Variants in DSCC1 observed in about 807,000 individuals in gnomAD.
DSCC1 encodes DNA replication and sister chromatid cohesion 1.
Under a neutral mutation model 48.2 loss-of-function variants are expected in DSCC1, and 32 were observed. The observed-to-expected ratio is 0.66, with a 90% CI of 0.50 to 0.89. The LOEUF (loss-of-function observed/expected upper bound fraction) is 0.89, where lower values mean the gene tolerates loss of function less well. DSCC1 is among the 40% of genes least tolerant of loss of function. DSCC1 has a pLI of 0.00. For missense variants in DSCC1, 421 were observed against 471.7 expected (o/e 0.89, Z 1.00); for synonymous variants, 150 against 171.5 (o/e 0.87, Z 0.98).
intron 8 of DSCC1, 105 bp downstream of exon 8, chr8:119,838,154 C>T (rs1826713174): frequency 2.3e-6 from 3 of 1,280,328 alleles, no homozygotes; most frequent in Non-Finnish European, 3.1e-6. Context: ...GCAGTATCCT[C>T]AGGGAATACT....
chr8:119,840,314 A>C (rs1372148750), intron 7 of DSCC1: 1 of 152,244 alleles, frequency 6.6e-6, no homozygotes, highest in Non-Finnish European at 1.5e-5. Context: ...GTGCTATCAA[A>C]GAGTAAAACC....
chr8:119,850,173 C>T (rs1180139933), intron 3 of DSCC1, among the ~76,000 whole-genome samples: 1 of 152,104 alleles, frequency 6.6e-6, no homozygotes, highest in Non-Finnish European at 1.5e-5. Flanking sequence ...AGAAGACTGA[C>T]AAGACATTAA....
chr8:119,841,860 A>G lies in DSCC1; in HGVS notation c.858T>C (p.Ala286=), dbSNP rs779466210. The G allele has an allele frequency of 1.4e-5, 22 of 1,614,038 alleles. No homozygotes were observed. In the African/African-American group the frequency reaches 2.3e-4, roughly 17 times the overall value. ...TCTGCTGCCACACTTCTTGAAACTC[A>G]GCGAGATTGAATTTCACCGCATTCT... ...LLQNAVKFNL[A]EFQEVWQQSV... The change falls in exon 7 of 9, where the codon GCT becomes GCC. Residue 286 remains alanine, a synonymous_variant. Coordinates refer to ENST00000313655, the MANE Select transcript of DSCC1 (RefSeq NM_024094.3).
At chr8:119,838,646 G>T in intron 7 of DSCC1, 1 of 340,212 alleles carries the variant, frequency 2.9e-6, no homozygotes, top group Non-Finnish European at 5.2e-6. Context: ...AGACAGCTTT[G>T]GTTCTAAAGG....
intron 6 of DSCC1, among the ~76,000 whole-genome samples, chr8:119,842,415 T>A (rs1471115391): frequency 1.4e-5 from 2 of 144,786 alleles, no homozygotes; most frequent in Non-Finnish European, 3.0e-5. Flanking sequence ...AGGGTCTCAC[T>A]CTGTTGCCTA....
intron 4 of DSCC1, among the ~76,000 whole-genome samples, chr8:119,846,506 T>C (rs930856195): frequency 4.6e-5 from 7 of 152,220 alleles, no homozygotes; most frequent in South Asian, 2.1e-4. Flanking sequence ...TGGTAGCAGA[T>C]TGACCTCATG....
intron 8 of DSCC1, among the ~76,000 whole-genome samples, chr8:119,837,015 T>A (rs1331571281): frequency 1.3e-5 from 2 of 152,118 alleles, no homozygotes; most frequent in Non-Finnish European, 2.9e-5. Context: ...GAAAGATGGA[T>A]GTCATTGGAT....
At chr8:119,840,163 T>C (rs1826745811) in intron 7 of DSCC1, 1 of 152,152 alleles carries the variant, frequency 6.6e-6, no homozygotes, top group Non-Finnish European at 1.5e-5. Context: ...ACAAAATATT[T>C]ACCAAGTATA....
intron 5 of DSCC1, 76 bp downstream of exon 5, chr8:119,843,533 G>T: frequency 6.7e-7 from 1 of 1,498,164 alleles, no homozygotes. Context: ...TTTATGCCCT[G>T]GGTTTAATTC....
chr8:119,835,526 A>G (rs1006120467), intron 8 of DSCC1, among the ~76,000 whole-genome samples: 6 of 152,142 alleles, frequency 3.9e-5, no homozygotes, highest in Non-Finnish European at 7.4e-5. Context: ...AACAAAAAAA[A>G]AAGCAAAAAA....
chr8:119,837,431 C>T (rs1826702607), intron 8 of DSCC1, among the ~76,000 whole-genome samples: 1 of 151,812 alleles, frequency 6.6e-6, no homozygotes, highest in African/African-American at 2.4e-5. Flanking sequence ...CTTCTATGTT[C>T]TGAAAAAAAT....
rs759181568 is a variant in DSCC1 at position 119,847,010 on chromosome 8, A to G, written c.557T>C (p.Leu186Pro). Residue 186 changes from leucine (L) to proline (P), a missense_variant, in exon 4 of 9, where the codon CTA becomes CCA. Transcript: ENST00000313655. ...GCTACCTCCAATCTTACAGGCATTTAGAACTTGTAATTGGGTCATTATTTC... is the reference window on the plus strand; with the variant it reads ...GCTACCTCCAATCTTACAGGCATTTGGAACTTGTAATTGGGTCATTATTTC... Reference protein sequence around the residue: ...EEEIMTQLQVLNACKIGGYWR... With the variant: ...EEEIMTQLQVPNACKIGGYWR... 1.2e-6 allele frequency: 2 copies of G among 1,613,896 alleles called. No individual in the cohort carries two copies. Among genetic ancestry groups the G allele is most frequent in the South Asian group, 1.1e-5 (1 of 91,090 alleles).
intron 8 of DSCC1, 49 bp from the exon 9 acceptor site, chr8:119,835,050 T>G: frequency 5.7e-6 from 7 of 1,236,000 alleles, no homozygotes; most frequent in Non-Finnish European, 8.2e-6. Context: ...AGGGAACATA[T>G]TATGATACAG....
chr8:119,854,283 C>T (rs574598562), intron 1 of DSCC1, among the ~76,000 whole-genome samples: 3 of 152,106 alleles, frequency 2.0e-5, no homozygotes, highest in East Asian at 3.9e-4. Flanking sequence ...GAAGGTGAAG[C>T]GGAGGAAAAG....
chr8:119,839,785 CCCACCTTTGACCGTGCTCTCCTAGATTT>C (rs1826740367), intron 7 of DSCC1: 1 of 152,272 alleles, frequency 6.6e-6, no homozygotes, highest in Non-Finnish European at 1.5e-5. Flanking sequence ...TTATTTGCCC[CCCACCTTTGACCGTGCTCTCCTAGATTT>C]CCACCTCTGG....
At chr8:119,838,509 A>G in intron 7 of DSCC1, 102 bp from the exon 8 acceptor site, 1 of 1,336,590 alleles carries the variant, frequency 7.5e-7, no homozygotes, top group Non-Finnish European at 9.9e-7. Flanking sequence ...AAGATATTCA[A>G]AATGTCAGCT....
intron 8 of DSCC1, among the ~76,000 whole-genome samples, chr8:119,836,880 G>C (rs1042187576): frequency 6.6e-6 from 1 of 152,128 alleles, no homozygotes; most frequent in Non-Finnish European, 1.5e-5. Flanking sequence ...CAACAAAAGA[G>C]ATGGTTTTCT....
In DSCC1 at chr8:119,834,645, C is replaced by T. The variant is rs1826645342; in HGVS notation, c.*248G>A. Reference sequence around the variant, plus strand: ...CAAACTTTAAATAAATCATAGAGACCTCAGACATAATATAGGAAAGAATTC... The same window carrying T: ...CAAACTTTAAATAAATCATAGAGACTTCAGACATAATATAGGAAAGAATTC... On this transcript the variant is annotated 3_prime_UTR_variant, in exon 9 of 9. Transcript: ENST00000313655. 1 of 346,534 alleles carries T rather than the reference C, an allele frequency of 2.9e-6. No homozygotes were observed. Among genetic ancestry groups the T allele is most frequent in the African/African-American group, 2.2e-5 (1 of 45,900 alleles). 21.5% of individuals were successfully genotyped at this position (346,534 alleles called of 1,614,324 possible).
In DSCC1 at chr8:119,855,734, T is replaced by C. The variant is rs1827008290; in HGVS notation, c.62A>G (p.Glu21Gly). Residue 21 changes from glutamate to glycine, a missense_variant, in exon 1 of 9, where the codon GAG becomes GGG. Glu to Gly is a moderately conservative substitution (Grantham distance 98, BLOSUM62 -2). This residue lies in a region of DSCC1 where 174 missense variants were observed against 184.5 expected (regional missense o/e 0.94). Transcript: ENST00000313655. ...TLQIAKLNAA[E>G]LLPAVHCLGF... ...CAGGCAGTGCACCGCCGGCAGCAGC[T>C]CGGCCGCATTCAGCTTGGCGATCTG... 6.3e-7 allele frequency: 1 copy of C among 1,575,760 alleles called. No individual in the cohort carries two copies.
Sources: allele counts gnomAD v4.1 joint callset (sites outside exome capture counted in the v4.1 genomes callset), GRCh38; gene constraint gnomAD v4.1.1; regional missense constraint gnomAD v4.1.1; transcripts MANE v1.5; gene names NCBI Gene and HGNC (gene_info 2026-07-23, HGNC 2026-07-21).